The following BNC2 variants were observed in gnomAD, a reference collection of about 807,000 sequenced individuals.
BNC2 encodes the protein zinc finger protein basonuclin-2.
A neutral mutation model predicts 76.3 loss-of-function variants in BNC2; 20 were observed. That is an observed-to-expected ratio of 0.26 (90% confidence interval 0.18 to 0.38). The LOEUF is 0.38. Ranked by LOEUF, BNC2 falls within the 10% of genes least tolerant of loss-of-function variation. The probability of loss-of-function intolerance (pLI) is 1.00; values close to 1 mark genes in which losing one functional copy is unlikely to be tolerated. For synonymous variants in BNC2, 582 were observed against 514.8 expected, an observed-to-expected ratio of 1.13 and a Z score of -1.77; for missense variants, 1,382 against 1,399.8, an observed-to-expected ratio of 0.99 and a Z score of 0.20.
intron 5 of BNC2, among the ~76,000 whole-genome samples, chr9:16,513,971 T>C (rs574614900): frequency 2.8e-4 from 43 of 152,328 alleles, no homozygotes; most frequent in Non-Finnish European, 4.1e-4. Flanking sequence ...GGCCCAAAAC[T>C]AATTTCTTTT....
chr9:16,751,033 C>T (rs189886975), intron 1 of BNC2, among the ~76,000 whole-genome samples: 1 of 152,218 alleles, frequency 6.6e-6, no homozygotes, highest in African/African-American at 2.4e-5. Context: ...CATTCACCAA[C>T]CATCAGTCTA....
At chr9:16,685,604 C>A (rs1322457552) in intron 3 of BNC2, 3 of 1,304,278 alleles carry the variant, frequency 2.3e-6, no homozygotes, top group Non-Finnish European at 3.0e-6. Context: ...GCCCCCAGCA[C>A]TCTGCCAGTA....
At chr9:16,441,761 G>C (rs1821133605) in intron 5 of BNC2, among the ~76,000 whole-genome samples, 1 of 152,094 alleles carries the variant, frequency 6.6e-6, no homozygotes, top group Non-Finnish European at 1.5e-5. Context: ...CATTTTTTTA[G>C]TCAATTTATT....
intron 5 of BNC2, among the ~76,000 whole-genome samples, chr9:16,536,260 CA>C (rs142273260): frequency 0.032 from 4,924 of 152,194 alleles, 271 homozygotes; most frequent in African/African-American, 0.11. Context: ...CTTTTATAGA[CA>C]ATTCTATATT....
chr9:16,499,387 A>G (rs1822470115), intron 5 of BNC2, among the ~76,000 whole-genome samples: 1 of 152,126 alleles, frequency 6.6e-6, no homozygotes, highest in Non-Finnish European at 1.5e-5. Context: ...AATATTAATT[A>G]TATTACTAGA....
intron 5 of BNC2, among the ~76,000 whole-genome samples, chr9:16,526,466 G>GTTTTTTTTTTTTTTTT: frequency 1.2e-5 from 1 of 80,472 alleles, no homozygotes; most frequent in Non-Finnish European, 2.4e-5. Context: ...ATAGTTTAAT[G>GTTTTTTTTTTTTTTTT]CTTTTTTTTT....
intron 3 of BNC2, among the ~76,000 whole-genome samples, chr9:16,680,073 C>T (rs763539256): frequency 6.6e-6 from 1 of 152,200 alleles, no homozygotes; most frequent in African/African-American, 2.4e-5. Flanking sequence ...TTTGAAATCA[C>T]TGTCCTCATG....
At chr9:16,630,088 G>A (rs772799357) in intron 3 of BNC2, among the ~76,000 whole-genome samples, 2 of 152,314 alleles carry the variant, frequency 1.3e-5, no homozygotes, top group Non-Finnish European at 2.9e-5. Flanking sequence ...TGCAGTATCT[G>A]CAGAGTGCAG....
rs199973613 is a variant in BNC2 at position 16,435,055 on chromosome 9, C to T, written c.2639+500G>A. 403 of 471,416 alleles carry T rather than the reference C, an allele frequency of 8.5e-4. 2 individuals carry two copies. The highest frequency in any genetic ancestry group is 3.0e-3 in the South Asian group (196 of 64,556). The allele number at this position is 471,416 out of a possible 1,614,324, so 29.2% of individuals were successfully genotyped here. On this transcript the variant is annotated intron_variant, in intron 6 of 6. Coordinates refer to ENST00000380672, the MANE Select transcript of BNC2 (RefSeq NM_017637.6). ...ATACCTACGGAGATGCAGGCTGTCT[C>T]GATGTCCTGGACCTATGGTTCTTTC... is the stretch of plus-strand genomic sequence containing the variant.
intron 1 of BNC2, among the ~76,000 whole-genome samples, chr9:16,840,316 C>T (rs1181154081): frequency 6.6e-6 from 1 of 152,174 alleles, no homozygotes; most frequent in African/African-American, 2.4e-5. Context: ...GCTCCTCTCC[C>T]TTTTGCTTTT....
At chr9:16,865,057 C>G (rs1161060034) in intron 1 of BNC2, among the ~76,000 whole-genome samples, 1 of 145,376 alleles carries the variant, frequency 6.9e-6, no homozygotes. Flanking sequence ...AAAAAAGACA[C>G]TGAAAAGGAA....
intron 4 of BNC2, among the ~76,000 whole-genome samples, chr9:16,561,283 A>G (rs1366627701): frequency 1.3e-5 from 2 of 151,688 alleles, no homozygotes; most frequent in African/African-American, 4.8e-5. Context: ...ATTGCCCCAG[A>G]TGATCATGAC....
At chr9:16,826,926 G>T (rs1444288202) in intron 1 of BNC2, among the ~76,000 whole-genome samples, 2 of 152,172 alleles carry the variant, frequency 1.3e-5, no homozygotes, top group Non-Finnish European at 2.9e-5. Flanking sequence ...ACAGATGACA[G>T]ATTTTGATGA....
intron 5 of BNC2, among the ~76,000 whole-genome samples, chr9:16,515,458 C>A (rs540185136): frequency 2.0e-4 from 30 of 152,252 alleles, no homozygotes; most frequent in African/African-American, 6.7e-4. Context: ...CCAAAGCCTC[C>A]CTCACCCTCA....
intron 2 of BNC2, among the ~76,000 whole-genome samples, chr9:16,730,338 T>G (rs967526046): frequency 6.6e-6 from 1 of 152,106 alleles, no homozygotes; most frequent in Non-Finnish European, 1.5e-5. Context: ...TGCAACTCAT[T>G]AGGGCAAAAC....
intron 1 of BNC2, among the ~76,000 whole-genome samples, chr9:16,792,398 G>T (rs1458052622): frequency 6.6e-6 from 1 of 152,286 alleles, no homozygotes; most frequent in African/African-American, 2.4e-5. Context: ...TCCTCAGAAA[G>T]AAGGATACAG....
chr9:16,776,414 A>G (rs2135504649), intron 1 of BNC2, among the ~76,000 whole-genome samples: 1 of 152,314 alleles, frequency 6.6e-6, no homozygotes, highest in East Asian at 1.9e-4. Flanking sequence ...TGCTAGGATT[A>G]CAGGGGTGAC....
intron 5 of BNC2, among the ~76,000 whole-genome samples, chr9:16,488,368 T>C (rs1587087302): frequency 6.6e-6 from 1 of 152,168 alleles, no homozygotes; most frequent in South Asian, 2.1e-4. Context: ...AACAGCTAAA[T>C]AGGGTTTACG....
intron 5 of BNC2, among the ~76,000 whole-genome samples, chr9:16,447,814 A>C (rs1437860746): frequency 2.0e-5 from 3 of 152,100 alleles, no homozygotes; most frequent in Non-Finnish European, 4.4e-5. Context: ...ATATCAAAAA[A>C]ACTATGTAAA....
Sources: allele counts gnomAD v4.1 joint callset (sites outside exome capture counted in the v4.1 genomes callset), GRCh38; gene constraint gnomAD v4.1.1; transcripts MANE v1.5; gene names NCBI Gene and HGNC (gene_info 2026-07-23, HGNC 2026-07-21).